NT5DC1: variants seen among roughly 807,000 people sequenced by gnomAD.
NT5DC1 encodes 5'-nucleotidase domain-containing protein 1.
A neutral mutation model predicts 59.4 loss-of-function variants in NT5DC1; 42 were observed. The observed-to-expected ratio is 0.71, with a 90% CI of 0.55 to 0.92. NT5DC1 has a LOEUF of 0.92. Among genes scored for constraint, NT5DC1 ranks in the 40% least tolerant of loss-of-function variants. NT5DC1 has a pLI of 0.00. For synonymous variants in NT5DC1, 172 were observed against 188.1 expected, an observed-to-expected ratio of 0.91 and a Z score of 0.70; for missense variants, 501 against 537.1, an observed-to-expected ratio of 0.93 and a Z score of 0.66.
chr6:116,233,662 C>A (rs1782059203), intron 8 of NT5DC1, among the ~76,000 whole-genome samples: 1 of 152,196 alleles, frequency 6.6e-6, no homozygotes, highest in Non-Finnish European at 1.5e-5. Context: ...AAAGTGCATT[C>A]TTGTCCTGGC....
At chr6:116,142,589 C>G (rs911635077) in intron 6 of NT5DC1, among the ~76,000 whole-genome samples, 1 of 151,964 alleles carries the variant, frequency 6.6e-6, no homozygotes, top group African/African-American at 2.4e-5. Flanking sequence ...GTGGTAAAAA[C>G]TGTGTTTTTT....
chr6:116,203,953 C>T (rs1240318912), intron 6 of NT5DC1, among the ~76,000 whole-genome samples: 2 of 151,820 alleles, frequency 1.3e-5, no homozygotes, highest in South Asian at 2.1e-4. Context: ...TAGTTTTAGA[C>T]GACAGATGCC....
intron 1 of NT5DC1, 69 bp downstream of exon 1, chr6:116,101,092 A>G (rs1370755493): frequency 2.3e-5 from 27 of 1,187,586 alleles, no homozygotes; most frequent in Non-Finnish European, 3.0e-5. Flanking sequence ...AGTTTCCTCC[A>G]GGTTTGGGCA....
At chr6:116,122,004 T>G (rs935234435) in intron 6 of NT5DC1, 8 of 1,528,680 alleles carry the variant, frequency 5.2e-6, no homozygotes, top group Non-Finnish European at 7.2e-6. Context: ...AAGGGGATGG[T>G]TAGTGACATT....
intron 8 of NT5DC1, 30 bp downstream of exon 8, chr6:116,223,161 T>C: frequency 8.4e-7 from 1 of 1,185,072 alleles, no homozygotes; most frequent in African/African-American, 1.5e-5. Context: ...TTTCTTTTCC[T>C]GTATACAGTT....
At chr6:116,185,977 G>A (rs968913335) in intron 6 of NT5DC1, among the ~76,000 whole-genome samples, 4 of 151,950 alleles carry the variant, frequency 2.6e-5, no homozygotes, top group African/African-American at 9.7e-5. Context: ...TGAGATTTAT[G>A]CTTTAAGGAG....
At chr6:116,136,933 A>T (rs1163827547) in intron 6 of NT5DC1, 1 of 152,346 alleles carries the variant, frequency 6.6e-6, no homozygotes, top group Non-Finnish European at 1.5e-5. Flanking sequence ...ATAGTATATA[A>T]ACTAAGAAGA....
chr6:116,217,597 G>A (rs1781711017), intron 6 of NT5DC1, among the ~76,000 whole-genome samples: 1 of 151,952 alleles, frequency 6.6e-6, no homozygotes, highest in African/African-American at 2.4e-5. Flanking sequence ...TTTTTTCATA[G>A]GCTGCCTTAA....
intron 6 of NT5DC1, among the ~76,000 whole-genome samples, chr6:116,118,418 G>A (rs1370171949): frequency 6.6e-6 from 1 of 152,148 alleles, no homozygotes; most frequent in African/African-American, 2.4e-5. Context: ...TCCAATCACA[G>A]CTTTGCTTGG....
At chr6:116,237,683 A>T in intron 9 of NT5DC1, 9 of 327,968 alleles carry the variant, frequency 2.7e-5, no homozygotes, top group Non-Finnish European at 4.3e-5. Context: ...ATTGCCTCAG[A>T]CTACCTAGGG....
intron 6 of NT5DC1, among the ~76,000 whole-genome samples, chr6:116,150,573 C>T (rs1267370852): frequency 6.6e-6 from 1 of 152,212 alleles, no homozygotes; most frequent in African/African-American, 2.4e-5. Flanking sequence ...GCGTGAGTCA[C>T]TGCACCTGGC....
chr6:116,203,090 G>A (rs1781379563), intron 6 of NT5DC1, among the ~76,000 whole-genome samples: 1 of 151,900 alleles, frequency 6.6e-6, no homozygotes, highest in Non-Finnish European at 1.5e-5. Flanking sequence ...ACAGGAAATA[G>A]TGAAGTTATA....
Position 116,247,927 on chromosome 6 carries a change from G to A in NT5DC1, c.*3903G>A, listed in dbSNP as rs1428930131. The A allele has an allele frequency of 6.6e-6, 1 of 152,146 alleles. No individual in the cohort carries two copies. The highest frequency in any genetic ancestry group is 2.4e-5 in the African/African-American group (1 of 41,436). 9.4% of individuals were successfully genotyped at this position (152,146 alleles called of 1,614,324 possible). A position where few individuals can be genotyped will look rare whatever the true frequency, so the allele number is the denominator to read the frequency against. On this transcript the variant is annotated 3_prime_UTR_variant, in exon 12 of 12. Transcript: ENST00000319550. ...TTAAATATTCAGTGCCTTTGATGAA[G>A]GGAACAAACTGATAATTTCATTCAT...
rs747412915 is a variant in NT5DC1, at chr6:116,223,060, T to C, written c.731T>C (p.Ile244Thr). Residue 244 changes from isoleucine to threonine, a missense_variant, in exon 8 of 12, where the codon ATT becomes ACT. Transcript: ENST00000319550. ...AATGATTTTACAGACCTTTTTGACA[T>C]TGTGATTACAAATGCATTGAAGCCT... is the stretch of plus-strand genomic sequence containing the variant. The part of the protein sequence containing the change: ...LGNDFTDLFD[I>T]VITNALKPGF... 8.1e-6 allele frequency: 13 copies of C among 1,602,482 alleles called. No homozygotes were observed. In the South Asian group the frequency reaches 1.3e-4, roughly 16 times the overall value.
chr6:116,103,669 G>T (rs903965687), intron 1 of NT5DC1, among the ~76,000 whole-genome samples: 1 of 152,246 alleles, frequency 6.6e-6, no homozygotes, highest in Non-Finnish European at 1.5e-5. Context: ...AGCTGTGAGT[G>T]CGTCTCCTTT....
At chr6:116,165,345 G>T (rs1334324265) in intron 6 of NT5DC1, among the ~76,000 whole-genome samples, 1 of 152,052 alleles carries the variant, frequency 6.6e-6, no homozygotes, top group African/African-American at 2.4e-5. Context: ...TATCTCACTG[G>T]TGTTCTGGAT....
At chr6:116,172,208 TC>T (rs1266017613) in intron 6 of NT5DC1, among the ~76,000 whole-genome samples, 1 of 152,172 alleles carries the variant, frequency 6.6e-6, no homozygotes, top group African/African-American at 2.4e-5. Context: ...ATTATTTTTT[TC>T]ACTTTTACAT....
chr6:116,178,053 G>GT (rs34248489), intron 6 of NT5DC1, among the ~76,000 whole-genome samples: 2 of 21,398 alleles, frequency 9.3e-5, no homozygotes, highest in African/African-American at 3.3e-4. Context: ...AAAGAGGAAA[G>GT]TGTGTGTGTG....
At chr6:116,172,842 C>A (rs887244528) in intron 6 of NT5DC1, among the ~76,000 whole-genome samples, 1 of 152,102 alleles carries the variant, frequency 6.6e-6, no homozygotes, top group Non-Finnish European at 1.5e-5. Context: ...AATCTACTCT[C>A]CTTGTTTTTA....
Sources: allele counts gnomAD v4.1 joint callset (sites outside exome capture counted in the v4.1 genomes callset), GRCh38; gene constraint gnomAD v4.1.1; transcripts MANE v1.5; gene names NCBI Gene and HGNC (gene_info 2026-07-23, HGNC 2026-07-21).